Variants in PSMD14 observed in about 807,000 individuals in gnomAD.
The protein encoded by PSMD14 is ubiquitin C-terminal hydrolase PSMD14.
A neutral mutation model predicts 41.2 loss-of-function variants in PSMD14; 7 were observed. The ratio of observed to expected loss-of-function variants is 0.17; its 90% CI spans 0.10 to 0.32. The LOEUF (loss-of-function observed/expected upper bound fraction) is 0.32, where lower values mean the gene tolerates loss of function less well. Ranked by LOEUF, PSMD14 falls within the 10% of genes least tolerant of loss-of-function variation. PSMD14 has a pLI of 1.00. For missense variants in PSMD14, 139 were observed against 375.6 expected (o/e 0.37, Z 5.21); for synonymous variants, 114 against 122.3 (o/e 0.93, Z 0.45).
At chr2:161,395,269 T>C (rs1683777672) in intron 10 of PSMD14, 66 bp downstream of exon 10, 1 of 1,312,900 alleles carries the variant, frequency 7.6e-7, no homozygotes, top group Non-Finnish European at 1.0e-6. Flanking sequence ...ATGCCAAGCA[T>C]TGTGTAAGTA....
At chr2:161,317,351 C>T (rs1689158323) in intron 2 of PSMD14, among the ~76,000 whole-genome samples, 1 of 152,084 alleles carries the variant, frequency 6.6e-6, no homozygotes, top group African/African-American at 2.4e-5. Context: ...GTCTTATAAA[C>T]ATGTTACATG....
At chr2:161,309,597 C>T (rs933191946) in intron 1 of PSMD14, among the ~76,000 whole-genome samples, 2 of 152,124 alleles carry the variant, frequency 1.3e-5, no homozygotes, top group Non-Finnish European at 2.9e-5. Flanking sequence ...CTTCCTGTCA[C>T]GTAAGGCTAC....
chr2:161,340,709 CCCTGGGCG>C (rs1682940771), intron 3 of PSMD14: 1 of 1,569,924 alleles, frequency 6.4e-7, no homozygotes, highest in African/African-American at 1.4e-5. Context: ...GCAGCATGCA[CCCTGGGCG>C]CCTGCCCAGA....
intron 3 of PSMD14, among the ~76,000 whole-genome samples, chr2:161,357,373 C>T (rs912702124): frequency 3.9e-5 from 6 of 152,056 alleles, no homozygotes; most frequent in Non-Finnish European, 8.8e-5. Context: ...CTGCTTGTGC[C>T]TGTGGCTCAG....
intron 3 of PSMD14, among the ~76,000 whole-genome samples, chr2:161,361,244 A>G (rs1683285232): frequency 6.6e-6 from 1 of 152,210 alleles, no homozygotes; most frequent in Non-Finnish European, 1.5e-5. Context: ...AAAATGAAAA[A>G]TTAAAATAGA....
rs933218590 is a variant in PSMD14, at chr2:161,400,775, G to A, written c.771+5572G>A. 2.0e-5 allele frequency among the ~76,000 whole-genome samples: 3 copies of A among 151,828 alleles called. No homozygotes were observed. The East Asian group carries it at 5.8e-4, about 29-fold the overall frequency. ...TGCCTAGGCTGGTCTTGAACTCCTGGGCTCCAGCAATCTGCCTGCCTTGGC... is the reference window on the plus strand; with the variant it reads ...TGCCTAGGCTGGTCTTGAACTCCTGAGCTCCAGCAATCTGCCTGCCTTGGC... On this transcript the variant is annotated intron_variant, in intron 10 of 11. Transcript: ENST00000409682.
chr2:161,391,030 T>C, intron 8 of PSMD14, 74 bp from the exon 9 acceptor site: 2 of 1,305,070 alleles, frequency 1.5e-6, no homozygotes, highest in Non-Finnish European at 2.0e-6. Flanking sequence ...TGTAAGAATA[T>C]ATCAACAGTT....
chr2:161,338,702 T>C (rs757623092), intron 3 of PSMD14, among the ~76,000 whole-genome samples: 3 of 152,192 alleles, frequency 2.0e-5, no homozygotes, highest in Non-Finnish European at 2.9e-5. Flanking sequence ...AAGTGTATAA[T>C]TTGTTAAGTT....
At chr2:161,357,076 C>CT (rs71281822) in intron 3 of PSMD14, among the ~76,000 whole-genome samples, 25 of 124,184 alleles carry the variant, frequency 2.0e-4, no homozygotes, top group African/African-American at 2.9e-4. Flanking sequence ...TGGCAAATGC[C>CT]TTTTTTTTTT....
chr2:161,371,907 G>T (rs995595700), intron 7 of PSMD14, among the ~76,000 whole-genome samples: 1 of 151,516 alleles, frequency 6.6e-6, no homozygotes, highest in Non-Finnish European at 1.5e-5. Flanking sequence ...ATAGTTCTTT[G>T]TTGAAACCCC....
intron 7 of PSMD14, chr2:161,381,733 G>A (rs993832325): frequency 2.6e-5 from 4 of 151,840 alleles, no homozygotes; most frequent in Admixed American, 6.6e-5. Context: ...AACCAGATTC[G>A]TCATTAAAAT....
intron 3 of PSMD14, among the ~76,000 whole-genome samples, chr2:161,352,412 A>C (rs1249554570): frequency 6.6e-6 from 1 of 152,172 alleles, no homozygotes; most frequent in African/African-American, 2.4e-5. Flanking sequence ...GGCGCTTTGA[A>C]ATAGGGCCTT....
intron 3 of PSMD14, among the ~76,000 whole-genome samples, chr2:161,362,606 G>A (rs1288815301): frequency 1.3e-5 from 2 of 152,110 alleles, no homozygotes; most frequent in Non-Finnish European, 2.9e-5. Context: ...GCCTTTGGAT[G>A]TTTTTTAAAA....
chr2:161,347,178 G>A (rs939084345), intron 3 of PSMD14, among the ~76,000 whole-genome samples: 19 of 152,114 alleles, frequency 1.2e-4, no homozygotes, highest in African/African-American at 4.3e-4. Flanking sequence ...GTTGTTCTTT[G>A]TTGCTTGATC....
At chr2:161,353,524 T>G (rs943892515) in intron 3 of PSMD14, among the ~76,000 whole-genome samples, 8 of 152,172 alleles carry the variant, frequency 5.3e-5, no homozygotes, top group Admixed American at 2.6e-4. Context: ...TGCCTTTCAG[T>G]GTGTCATTTT....
chr2:161,372,461 A>G (rs1254736409), intron 7 of PSMD14, among the ~76,000 whole-genome samples: 1 of 151,976 alleles, frequency 6.6e-6, no homozygotes, highest in East Asian at 1.9e-4. Flanking sequence ...TCATGTCATT[A>G]TCATGTATAA....
At chr2:161,394,042 C>A (rs1464577633) in intron 9 of PSMD14, among the ~76,000 whole-genome samples, 4 of 141,912 alleles carry the variant, frequency 2.8e-5, no homozygotes, top group Admixed American at 1.5e-4. Flanking sequence ...GTGACCTCAG[C>A]TCACTGCAAC....
chr2:161,323,220 C>G, intron 3 of PSMD14, among the ~76,000 whole-genome samples: 1 of 152,156 alleles, frequency 6.6e-6, no homozygotes, highest in East Asian at 1.9e-4. Context: ...ATTTTTAGTT[C>G]TCTTTTAACT....
At chr2:161,369,318 T>G (rs1683401180) in intron 5 of PSMD14, among the ~76,000 whole-genome samples, 4 of 152,102 alleles carry the variant, frequency 2.6e-5, no homozygotes. Context: ...AGTAAACTTT[T>G]TCTATAAAGA....
Sources: allele counts gnomAD v4.1 joint callset (sites outside exome capture counted in the v4.1 genomes callset), GRCh38; gene constraint gnomAD v4.1.1; transcripts MANE v1.5; gene names NCBI Gene and HGNC (gene_info 2026-07-23, HGNC 2026-07-21).